The following IQUB variants were observed in gnomAD, a reference collection of about 807,000 sequenced individuals.
IQUB encodes the protein IQ motif and ubiquitin domain containing.
In IQUB, 86 loss-of-function variants were observed where a neutral mutation model predicts 86.4. That is an observed-to-expected ratio of 1.00 (90% CI 0.84 to 1.19). The LOEUF (loss-of-function observed/expected upper bound fraction) is 1.19, where lower values mean the gene tolerates loss of function less well. Ranked by LOEUF, IQUB falls within the 50% of genes most tolerant of loss-of-function variation. IQUB has a pLI of 0.00. For missense variants in IQUB, 946 were observed against 916.9 expected, an observed-to-expected ratio of 1.03 and a Z score of -0.41; for synonymous variants, 289 against 304.5, an observed-to-expected ratio of 0.95 and a Z score of 0.53.
At chr7:123,510,185 T>C in intron 2 of IQUB, 150 bp from the exon 3 acceptor site, 1 of 556,854 alleles carries the variant, frequency 1.8e-6, no homozygotes, top group Non-Finnish European at 3.1e-6. Context: ...TGTGCCCCAA[T>C]GATAACAGTT....
chr7:123,470,850 C>CA lies in IQUB; in HGVS notation c.1411-1467dup, dbSNP rs564514551. Among the ~76,000 whole-genome samples, 521 of 95,652 alleles carry CA rather than the reference C, an allele frequency of 5.4e-3. 1 individual carries two copies. The highest frequency in any genetic ancestry group is 0.014 in the South Asian group (45 of 3,256). The allele number at this position is 95,652 out of a possible 152,430, so 62.8% of individuals were successfully genotyped here. A position where few individuals can be genotyped will look rare whatever the true frequency, so the allele number is the denominator to read the frequency against. On this transcript the variant is annotated intron_variant, in intron 8 of 12. Transcript: ENST00000324698. ...TGGGTGACAGAGCAAGACTCTGTCT[C>CA]AAAAAAAAAAAAGAAAAAAGAAAAA...
intron 8 of IQUB, among the ~76,000 whole-genome samples, chr7:123,470,340 T>A (rs1276327802): frequency 1.3e-5 from 2 of 152,212 alleles, no homozygotes; most frequent in African/African-American, 2.4e-5. Context: ...GAAACAAGAC[T>A]ATGTTGATCA....
intron 8 of IQUB, among the ~76,000 whole-genome samples, chr7:123,470,914 T>C (rs543916883): frequency 1.3e-5 from 2 of 151,932 alleles, no homozygotes; most frequent in East Asian, 3.9e-4. Context: ...AGTTGTAACA[T>C]CAATTTACAA....
intron 2 of IQUB, among the ~76,000 whole-genome samples, chr7:123,511,499 A>C (rs1379297628): frequency 6.6e-6 from 1 of 152,258 alleles, no homozygotes; most frequent in Non-Finnish European, 1.5e-5. Context: ...ATGTAAAAGC[A>C]ACATGATATG....
At position 123,461,722 on chromosome 7, in the gene IQUB, A is replaced by T. The variant is rs1793998058; in HGVS notation, c.1759-117T>A. ...TACTTATCTTAGAATGAGATTTAAA[A>T]AAAAAAGTTGGCTAATTTCTAAAAT... On this transcript the variant is annotated intron_variant, in intron 10 of 12. Transcript: ENST00000324698. 5.4e-6 allele frequency: 5 copies of T among 929,286 alleles called. No homozygotes were observed. In the South Asian group the frequency reaches 1.7e-4, roughly 32 times the overall value. 57.6% of individuals were successfully genotyped at this position (929,286 alleles called of 1,614,324 possible).
chr7:123,495,064 T>C (rs1054634972), intron 7 of IQUB, among the ~76,000 whole-genome samples: 25 of 152,138 alleles, frequency 1.6e-4, no homozygotes, highest in Admixed American at 6.6e-4. Context: ...CGATGTTCTC[T>C]ATTGAAGTAC....
intron 7 of IQUB, among the ~76,000 whole-genome samples, chr7:123,488,745 CA>C (rs1795330928): frequency 6.6e-6 from 1 of 151,988 alleles, no homozygotes; most frequent in Admixed American, 6.6e-5. Flanking sequence ...GAATTCCAAA[CA>C]AATAAGAAAA....
rs570162014 is a variant in IQUB at position 123,509,923 on chromosome 7, A to G, written c.510T>C (p.Ser170=). ...HFSHLLGIPH[S]VLQIRYSGKI... ...TACCTGAGTATCTTATCTGCAGTAC[A>G]GAATGTGGGATACCTAATAAGTGTG... Residue 170 remains serine, a synonymous_variant, in exon 3 of 13, where the codon TCT becomes TCC. Coordinates refer to ENST00000324698, the MANE Select transcript of IQUB (RefSeq NM_178827.5). 39 of 1,608,464 alleles carry G rather than the reference A, an allele frequency of 2.4e-5. No homozygotes were observed. Among genetic ancestry groups the G allele is most frequent in the Admixed American group, 1.2e-4 (7 of 58,950 alleles).
chr7:123,454,240 A>AACTT (rs1197486284), intron 12 of IQUB, among the ~76,000 whole-genome samples: 5 of 152,270 alleles, frequency 3.3e-5, no homozygotes, highest in African/African-American at 1.2e-4. Context: ...ATGCTATATT[A>AACTT]ACTTACACAT....
chr7:123,470,376 A>ATGT (rs1794465548), intron 8 of IQUB, among the ~76,000 whole-genome samples: 1 of 152,192 alleles, frequency 6.6e-6, no homozygotes, highest in South Asian at 2.1e-4. Context: ...AACATGTTGG[A>ATGT]TGTTTTTGTA....
At chr7:123,467,127 T>C (rs568384668) in intron 9 of IQUB, among the ~76,000 whole-genome samples, 24 of 151,612 alleles carry the variant, frequency 1.6e-4, no homozygotes, top group African/African-American at 4.6e-4. Context: ...TAAAATAATA[T>C]AAATTATTTA....
chr7:123,514,669 G>A (rs1796564781), intron 1 of IQUB, among the ~76,000 whole-genome samples: 1 of 152,184 alleles, frequency 6.6e-6, no homozygotes, highest in South Asian at 2.1e-4. Flanking sequence ...TAGTGGTGAA[G>A]TCTGGGCTTT....
chr7:123,478,392 G>A (rs1265032569), intron 8 of IQUB, among the ~76,000 whole-genome samples: 2 of 151,968 alleles, frequency 1.3e-5, no homozygotes, highest in Non-Finnish European at 2.9e-5. Flanking sequence ...TGGACCCAGG[G>A]TGGGGAACAT....
At chr7:123,461,933 A>T (rs1794009493) in intron 10 of IQUB, among the ~76,000 whole-genome samples, 1 of 151,746 alleles carries the variant, frequency 6.6e-6, no homozygotes, top group South Asian at 2.1e-4. Flanking sequence ...GAAAATTTAG[A>T]TTTTTTTCAG....
At chr7:123,533,788 G>C (rs183764371) in intron 1 of IQUB, among the ~76,000 whole-genome samples, 1 of 152,292 alleles carries the variant, frequency 6.6e-6, no homozygotes, top group East Asian at 1.9e-4. Context: ...GGAGAAATGG[G>C]TAGATGGAGG....
Position 123,503,284 on chromosome 7 carries a change from A to G in IQUB, c.612T>C (p.Ser204=). ...TGACTGGATACAGATCTGGATTTGT[A>G]GAAAAGATTTCCACTTGTACAATTT... ...PQEIVQVEIF[S]TNPDLYPVRR... The change falls in exon 4 of 13, where the codon TCT becomes TCC. Residue 204 remains serine (S), a synonymous_variant. Transcript: ENST00000324698. The G allele has an allele frequency of 1.2e-6, 2 of 1,607,314 alleles. No individual in the cohort carries two copies. The highest frequency in any genetic ancestry group is 1.7e-6 in the Non-Finnish European group (2 of 1,174,222).
At chr7:123,528,543 C>T (rs1336035167) in intron 1 of IQUB, among the ~76,000 whole-genome samples, 1 of 152,116 alleles carries the variant, frequency 6.6e-6, no homozygotes, top group East Asian at 1.9e-4. Context: ...AGAACCCATG[C>T]CCTTAACCAC....
At chr7:123,496,667 A>G (rs369568794) in intron 7 of IQUB, 29 bp downstream of exon 7, 347 of 1,324,340 alleles carry the variant, frequency 2.6e-4, no homozygotes, top group Non-Finnish European at 3.5e-4. Flanking sequence ...ATTTAAAAAT[A>G]TTTTTTGCAA....
rs1324296922 is a variant in IQUB at position 123,503,306 on chromosome 7, A to G, written c.590T>C (p.Ile197Thr). ...LVQHGVKPQE[I>T]VQVEIFSTNP... ...TGTAGAAAAGATTTCCACTTGTACA[A>G]TTTCCTGTGGCTTAACTCCATGTTG... Residue 197 changes from isoleucine to threonine, a missense_variant, in exon 4 of 13, where the codon ATT (isoleucine) becomes ACT (threonine). By Grantham distance (89) the Ile-to-Thr change is moderately conservative. Transcript: ENST00000324698. The G allele has an allele frequency of 6.2e-7, 1 of 1,601,768 alleles. No individual in the cohort carries two copies. Among genetic ancestry groups the G allele is most frequent in the African/African-American group, 1.3e-5 (1 of 74,736 alleles).
Sources: gnomAD v4.1 joint callset for allele counts (sites outside exome capture counted in the v4.1 genomes callset) on GRCh38, gnomAD v4.1.1 for gene constraint, MANE v1.5 for transcripts, NCBI Gene and HGNC (gene_info 2026-07-23, HGNC 2026-07-21) for gene names.